MAP4K3: variants seen among roughly 807,000 people sequenced by gnomAD.
MAP4K3 encodes the protein mitogen-activated protein kinase kinase kinase kinase 3.
A neutral mutation model predicts 143.5 loss-of-function variants in MAP4K3; 94 were observed. The observed-to-expected ratio is 0.65, with a 90% CI of 0.55 to 0.78. MAP4K3 has a LOEUF of 0.78. MAP4K3 is among the 30% of genes least tolerant of loss of function. MAP4K3 has a pLI of 0.00. For missense variants in MAP4K3, 1,077 were observed against 1,068.1 expected, an observed-to-expected ratio of 1.01 and a Z score of -0.12; for synonymous variants, 416 against 347.2, an observed-to-expected ratio of 1.20 and a Z score of -2.20.
intron 3 of MAP4K3, among the ~76,000 whole-genome samples, chr2:39,343,675 T>C (rs1177833269): frequency 6.6e-6 from 1 of 152,188 alleles, no homozygotes; most frequent in East Asian, 1.9e-4. Context: ...ATTTGTTGGA[T>C]ATAAAGCTGT....
chr2:39,388,913 G>A (rs1666579955), intron 1 of MAP4K3, among the ~76,000 whole-genome samples: 1 of 152,180 alleles, frequency 6.6e-6, no homozygotes, highest in South Asian at 2.1e-4. Context: ...AGGCAGATAT[G>A]AGCTTAAAAC....
At chr2:39,304,867 T>C (rs541778448) in intron 15 of MAP4K3, among the ~76,000 whole-genome samples, 7 of 152,198 alleles carry the variant, frequency 4.6e-5, no homozygotes, top group Non-Finnish European at 8.8e-5. Flanking sequence ...TGGAGTATTA[T>C]TCAGCCTTAA....
Position 39,306,310 on chromosome 2 carries a change from C to A in MAP4K3, c.1119+1633G>T, listed in dbSNP as rs564424549. On this transcript the variant is annotated intron_variant, in intron 15 of 33. Coordinates refer to ENST00000263881, the MANE Select transcript of MAP4K3 (RefSeq NM_003618.4). Reference sequence around the variant, plus strand: ...AATTCTGAAAACATTTTCAATCCAGCAAGCACCGACTGTGTTTTCTTCAGA... The same window carrying A: ...AATTCTGAAAACATTTTCAATCCAGAAAGCACCGACTGTGTTTTCTTCAGA... 5.1e-4 allele frequency among the ~76,000 whole-genome samples: 77 copies of A among 152,340 alleles called. 1 individual carries two copies. The highest frequency in any genetic ancestry group is 1.8e-3 in the African/African-American group (73 of 41,586).
chr2:39,309,849 C>G (rs1184367469), intron 13 of MAP4K3, among the ~76,000 whole-genome samples: 4 of 151,822 alleles, frequency 2.6e-5, no homozygotes, highest in African/African-American at 9.7e-5. Flanking sequence ...TGAGCCACTG[C>G]GCCCGGCCAA....
At chr2:39,387,340 T>A (rs1260258679) in intron 1 of MAP4K3, among the ~76,000 whole-genome samples, 1 of 152,232 alleles carries the variant, frequency 6.6e-6, no homozygotes, top group Non-Finnish European at 1.5e-5. Context: ...ACATATTTAC[T>A]ATGTGGAGTC....
chr2:39,357,646 T>C (rs944639694), intron 2 of MAP4K3, among the ~76,000 whole-genome samples: 2 of 152,226 alleles, frequency 1.3e-5, no homozygotes, highest in Admixed American at 1.3e-4. Context: ...GACATAATTT[T>C]TAGGCTTTCA....
At chr2:39,343,849 G>A (rs942776842) in intron 3 of MAP4K3, among the ~76,000 whole-genome samples, 1 of 152,094 alleles carries the variant, frequency 6.6e-6, no homozygotes, top group African/African-American at 2.4e-5. Flanking sequence ...AAATATAAAT[G>A]TTAGCTTCAT....
chr2:39,388,252 C>T (rs1289312800), intron 1 of MAP4K3, among the ~76,000 whole-genome samples: 4 of 152,222 alleles, frequency 2.6e-5, no homozygotes, highest in East Asian at 1.9e-4. Flanking sequence ...CCCCAATGTG[C>T]GTAAACACCT....
intron 6 of MAP4K3, among the ~76,000 whole-genome samples, chr2:39,336,347 G>A (rs139567319): frequency 0.037 from 5,638 of 151,522 alleles, 135 homozygotes; most frequent in South Asian, 0.053. Flanking sequence ...GTGGCAGGTG[G>A]CTGTAATCCC....
Position 39,282,038 on chromosome 2 carries a change from A to G in MAP4K3, c.1629+475T>C, listed in dbSNP as rs892931406. On this transcript the variant is annotated intron_variant, in intron 22 of 33. Transcript: ENST00000263881. ...GTAAAACCCGTCTCTATAAAAACACACAAAAAATTAGCCAGGCATGGTGGC... is the reference window on the plus strand; with the variant it reads ...GTAAAACCCGTCTCTATAAAAACACGCAAAAAATTAGCCAGGCATGGTGGC... Among the ~76,000 whole-genome samples the G allele has an allele frequency of 5.9e-5, 9 of 151,886 alleles. No individual in the cohort carries two copies. In the East Asian group the frequency reaches 1.6e-3, roughly 26 times the overall value.
At chr2:39,351,259 T>C (rs943452883) in intron 3 of MAP4K3, among the ~76,000 whole-genome samples, 5 of 152,208 alleles carry the variant, frequency 3.3e-5, no homozygotes, top group African/African-American at 1.2e-4. Flanking sequence ...CATGCATGTG[T>C]TCCCTTTGCC....
At chr2:39,398,509 T>A (rs569520532) in intron 1 of MAP4K3, among the ~76,000 whole-genome samples, 1 of 151,802 alleles carries the variant, frequency 6.6e-6, no homozygotes, top group African/African-American at 2.4e-5. Context: ...CAGATGGGGA[T>A]GGGTGGGAAA....
At chr2:39,374,741 A>C (rs995494561) in intron 2 of MAP4K3, among the ~76,000 whole-genome samples, 1 of 152,228 alleles carries the variant, frequency 6.6e-6, no homozygotes, top group African/African-American at 2.4e-5. Flanking sequence ...CTGCATAATT[A>C]AGATGAGAAG....
Position 39,437,021 on chromosome 2 carries a change from G to T in MAP4K3, c.-34C>A. The T allele has an allele frequency of 6.4e-7, 1 of 1,562,650 alleles. No homozygotes were observed. The highest frequency in any genetic ancestry group is 8.8e-7 in the Non-Finnish European group (1 of 1,140,384). Reference sequence around the variant, plus strand: ...CCAGGTGCCCCCCGCCTCCCTCCCGGGCAGGGGAGGGGGGCCGCTCAGGGG... The same window carrying T: ...CCAGGTGCCCCCCGCCTCCCTCCCGTGCAGGGGAGGGGGGCCGCTCAGGGG... On this transcript the variant is annotated 5_prime_UTR_variant, in exon 1 of 34. Transcript: ENST00000263881.
At chr2:39,361,464 T>C (rs541679448) in intron 2 of MAP4K3, among the ~76,000 whole-genome samples, 1 of 151,782 alleles carries the variant, frequency 6.6e-6, no homozygotes, top group South Asian at 2.1e-4. Context: ...AATAAGGCGG[T>C]ATAAACAGTA....
At chr2:39,252,435 A>T (rs1435606188) in intron 32 of MAP4K3, among the ~76,000 whole-genome samples, 2 of 152,232 alleles carry the variant, frequency 1.3e-5, no homozygotes, top group Non-Finnish European at 2.9e-5. Context: ...GTGTTCTTAT[A>T]AGGATTAGTG....
intron 21 of MAP4K3, among the ~76,000 whole-genome samples, chr2:39,285,433 A>G (rs1166729140): frequency 2.6e-5 from 4 of 152,226 alleles, no homozygotes; most frequent in Non-Finnish European, 4.4e-5. Context: ...ACTGTGTTAC[A>G]GTCACTCAGC....
intron 1 of MAP4K3, among the ~76,000 whole-genome samples, chr2:39,434,274 T>C (rs1553321575): frequency 6.6e-6 from 1 of 152,120 alleles, no homozygotes; most frequent in Non-Finnish European, 1.5e-5. Context: ...AAGAAAAAAC[T>C]AAAACAGCAA....
At chr2:39,432,216 T>C (rs1471701823) in intron 1 of MAP4K3, among the ~76,000 whole-genome samples, 1 of 152,228 alleles carries the variant, frequency 6.6e-6, no homozygotes, top group Non-Finnish European at 1.5e-5. Context: ...TTACTATTCA[T>C]TCTTAATACA....
Sources: allele counts gnomAD v4.1 joint callset (sites outside exome capture counted in the v4.1 genomes callset), GRCh38; gene constraint gnomAD v4.1.1; transcripts MANE v1.5; gene names NCBI Gene and HGNC (gene_info 2026-07-23, HGNC 2026-07-21).